The following GFRA2 variants were observed in gnomAD, a reference collection of about 807,000 sequenced individuals.
GFRA2 encodes the protein GDNF family receptor alpha 2.
In GFRA2, 17 loss-of-function variants were observed where a neutral mutation model predicts 48.3. The observed-to-expected ratio is 0.35, with a 90% CI of 0.24 to 0.53. GFRA2 has a LOEUF of 0.53. Among genes scored for constraint, GFRA2 ranks in the 20% least tolerant of loss-of-function variants. The pLI is 0.93. For missense variants in GFRA2, 660 were observed against 637.3 expected, an observed-to-expected ratio of 1.04 and a Z score of -0.38; for synonymous variants, 305 against 257.2, an observed-to-expected ratio of 1.19 and a Z score of -1.78.
chr8:21,793,867 T>G (rs1294501815), upstream of GFRA2, among the ~76,000 whole-genome samples: 1 of 56,284 alleles, frequency 1.8e-5, no homozygotes, highest in Non-Finnish European at 3.2e-5. Flanking sequence ...AGAATCAAAG[T>G]TTTTTTTTTT....
intron 4 of GFRA2, among the ~76,000 whole-genome samples, chr8:21,728,618 G>A (rs1804012794): frequency 6.6e-6 from 1 of 152,106 alleles, no homozygotes; most frequent in African/African-American, 2.4e-5. Context: ...TGGAGATGTG[G>A]CGTCCATGGA....
chr8:21,790,718 G>T (rs1341391589), upstream of GFRA2, among the ~76,000 whole-genome samples: 2 of 152,232 alleles, frequency 1.3e-5, no homozygotes, highest in Non-Finnish European at 2.9e-5. Flanking sequence ...AGGGCTTAGG[G>T]ATTGGAGTTG....
At chr8:21,754,821 T>A (rs1805490062) in intron 3 of GFRA2, among the ~76,000 whole-genome samples, 1 of 152,100 alleles carries the variant, frequency 6.6e-6, no homozygotes, top group African/African-American at 2.4e-5. Flanking sequence ...CAATAGCCCT[T>A]TAAAGGCAGA....
Position 21,788,339 on chromosome 8 carries a change from G to C in GFRA2, c.-180C>G. ...TGCGATTCTCGCCTCTGGCTGGAGG[G>C]GGTGGGGTGAGAGGCGGGCGATGGG... On this transcript the variant is annotated 5_prime_UTR_variant, in exon 1 of 9. Transcript: ENST00000524240. 7.3e-7 allele frequency: 1 copy of C among 1,367,638 alleles called. No individual in the cohort carries two copies. 84.7% of individuals were successfully genotyped at this position (1,367,638 alleles called of 1,614,324 possible).
chr8:21,726,106 A>C (rs1021857412), intron 4 of GFRA2, among the ~76,000 whole-genome samples: 1 of 152,162 alleles, frequency 6.6e-6, no homozygotes, highest in African/African-American at 2.4e-5. Context: ...TCCCTCTGCC[A>C]AGAACACCAC....
chr8:21,753,092 C>A (rs2117605437), intron 3 of GFRA2, among the ~76,000 whole-genome samples: 1 of 152,330 alleles, frequency 6.6e-6, no homozygotes, highest in East Asian at 1.9e-4. Flanking sequence ...CTCCTAGGCT[C>A]CAAAGCCCCC....
At chr8:21,770,360 C>T (rs1806384181) in intron 3 of GFRA2, among the ~76,000 whole-genome samples, 1 of 152,240 alleles carries the variant, frequency 6.6e-6, no homozygotes, top group African/African-American at 2.4e-5. Flanking sequence ...CTCACCTGCA[C>T]TATCTCATTT....
intron 3 of GFRA2, among the ~76,000 whole-genome samples, chr8:21,754,515 T>C (rs1254516238): frequency 1.4e-5 from 2 of 146,714 alleles, no homozygotes; most frequent in South Asian, 2.2e-4. Context: ...CTTTTTTTTT[T>C]TTTTTTTTTT....
chr8:21,740,437 A>G (rs1239972991), intron 4 of GFRA2, among the ~76,000 whole-genome samples: 1 of 152,148 alleles, frequency 6.6e-6, no homozygotes, highest in African/African-American at 2.4e-5. Flanking sequence ...AGAGTCACCA[A>G]GGCCCTCCAC....
rs754910207 is a variant in GFRA2, at chr8:21,705,138, A to G, written c.905-13T>C. The G allele has an allele frequency of 2.5e-6, 4 of 1,605,176 alleles. No homozygotes were observed. In the South Asian group the frequency reaches 4.5e-5, roughly 18 times the overall value. ...GTCATGTCAAACCCTGGGCAGGAAGAAAGGTGGGGGAGAGGAGAGAGGTAC... is the reference window on the plus strand; with the variant it reads ...GTCATGTCAAACCCTGGGCAGGAAGGAAGGTGGGGGAGAGGAGAGAGGTAC... On this transcript the variant is annotated splice_polypyrimidine_tract_variant and intron_variant, in intron 5 of 8. Transcript: ENST00000524240.
intron 3 of GFRA2, among the ~76,000 whole-genome samples, chr8:21,761,970 A>T (rs543127633): frequency 2.6e-5 from 4 of 152,142 alleles, no homozygotes; most frequent in African/African-American, 9.6e-5. Flanking sequence ...AAAAAAATTA[A>T]AAAAAGTGTC....
chr8:21,728,226 AC>A (rs1421331543), intron 4 of GFRA2, among the ~76,000 whole-genome samples: 5 of 147,356 alleles, frequency 3.4e-5, no homozygotes, highest in African/African-American at 1.3e-4. Context: ...CCTGGGCCCT[AC>A]ATCCAAGGAT....
intron 4 of GFRA2, among the ~76,000 whole-genome samples, chr8:21,741,188 C>T (rs552081547): frequency 2.0e-5 from 3 of 152,300 alleles, no homozygotes; most frequent in Admixed American, 6.5e-5. Flanking sequence ...TGTGAGGCCC[C>T]GAGTGATCTG....
chr8:21,713,927 T>C (rs1298745885), intron 4 of GFRA2, among the ~76,000 whole-genome samples: 4 of 151,826 alleles, frequency 2.6e-5, no homozygotes, highest in African/African-American at 9.7e-5. Flanking sequence ...GGCTTACCCA[T>C]AAAAAAAAGC....
At chr8:21,722,604 T>G (rs1245987634) in intron 4 of GFRA2, among the ~76,000 whole-genome samples, 1 of 152,108 alleles carries the variant, frequency 6.6e-6, no homozygotes, top group Admixed American at 6.5e-5. Flanking sequence ...CCGCATGCAG[T>G]GAGCTCTCCC....
At chr8:21,707,520 C>G (rs978204971) in intron 4 of GFRA2, among the ~76,000 whole-genome samples, 1 of 152,092 alleles carries the variant, frequency 6.6e-6, no homozygotes. Context: ...TGGAGGCCCC[C>G]GCGATCCTGA....
chr8:21,727,874 G>A (rs1803957632), intron 4 of GFRA2, among the ~76,000 whole-genome samples: 1 of 152,132 alleles, frequency 6.6e-6, no homozygotes, highest in Admixed American at 6.5e-5. Flanking sequence ...TATTTTCGTA[G>A]TAAAAATGCC....
At chr8:21,808,974 C>G (rs559633491) in intron 1 of GFRA2, among the ~76,000 whole-genome samples, 1 of 152,252 alleles carries the variant, frequency 6.6e-6, no homozygotes, top group East Asian at 1.9e-4. Flanking sequence ...TAGAAGCTGC[C>G]TCAAATGCAT....
intron 1 of GFRA2, among the ~76,000 whole-genome samples, chr8:21,787,607 C>CGCTCCCCGCGCT (rs1807346056): frequency 6.6e-6 from 1 of 152,154 alleles, no homozygotes; most frequent in Non-Finnish European, 1.5e-5. Flanking sequence ...TGACTGCCAG[C>CGCTCCCCGCGCT]GCTCCCCGCG....
Sources: gnomAD v4.1 joint callset for allele counts (sites outside exome capture counted in the v4.1 genomes callset) on GRCh38, gnomAD v4.1.1 for gene constraint, MANE v1.5 for transcripts, NCBI Gene and HGNC (gene_info 2026-07-23, HGNC 2026-07-21) for gene names.